Variants in ZMYND11 observed in about 807,000 individuals in gnomAD.
ZMYND11 encodes zinc finger MYND domain-containing protein 11.
In ZMYND11, 9 loss-of-function variants were observed where a neutral mutation model predicts 84.9. The ratio of observed to expected loss-of-function variants is 0.11; its 90% CI spans 0.06 to 0.18. The LOEUF (loss-of-function observed/expected upper bound fraction) is 0.18, where lower values mean the gene tolerates loss of function less well. Among genes scored for constraint, ZMYND11 ranks in the 10% least tolerant of loss-of-function variants. The pLI, the probability that ZMYND11 is intolerant of heterozygous loss-of-function variation, is 1.00. For synonymous variants in ZMYND11, 250 were observed against 244.1 expected (o/e 1.02, Z -0.23); for missense variants, 409 against 761.0 (o/e 0.54, Z 5.44).
intron 4 of ZMYND11, 119 bp downstream of exon 4, chr10:221,475 G>T (rs1947124822): frequency 4.3e-6 from 4 of 932,648 alleles, no homozygotes; most frequent in Non-Finnish European, 6.4e-6. Context: ...GAGGGTGGGG[G>T]TTATCTAATG....
chr10:169,849 G>C (rs1272206910), intron 1 of ZMYND11, among the ~76,000 whole-genome samples: 1 of 152,072 alleles, frequency 6.6e-6, no homozygotes, highest in Admixed American at 6.6e-5. Flanking sequence ...ATACCAGAAG[G>C]GAAGAAGGAG....
intron 3 of ZMYND11, among the ~76,000 whole-genome samples, chr10:218,869 T>A (rs972377094): frequency 6.6e-6 from 1 of 152,222 alleles, no homozygotes; most frequent in Non-Finnish European, 1.5e-5. Flanking sequence ...ACCTGTCCTA[T>A]AATCAACATG....
chr10:252,309 C>T lies in ZMYND11; in HGVS notation c.1687-39C>T. On this transcript the variant is annotated intron_variant, in intron 14 of 14. Transcript: ENST00000381604. This position sits in a 1 kb window ranked among gnomAD's most constrained non-coding sequence, Gnocchi z 4.6. ...TTTTAACCAGTCGCTTACACATCCA[C>T]ACCCAAGTCTAAAGACTGCCCCGAT... 6.2e-7 allele frequency: 1 copy of T among 1,611,154 alleles called. No homozygotes were observed. The highest frequency in any genetic ancestry group is 8.5e-7 in the Non-Finnish European group (1 of 1,178,758).
At chr10:205,481 A>G (rs138608721) in intron 2 of ZMYND11, among the ~76,000 whole-genome samples, 1,539 of 151,858 alleles carry the variant, frequency 0.01, 22 homozygotes, top group African/African-American at 0.035. Context: ...CTTGAGGCTG[A>G]GAGTTTGAGA....
At chr10:245,463 A>C (rs1951928682) in intron 10 of ZMYND11, among the ~76,000 whole-genome samples, 1 of 152,212 alleles carries the variant, frequency 6.6e-6, no homozygotes, top group African/African-American at 2.4e-5. Flanking sequence ...CCAGGGATGA[A>C]AACTGTGATA....
intron 1 of ZMYND11, among the ~76,000 whole-genome samples, chr10:139,227 T>C (rs1170645748): frequency 6.6e-6 from 1 of 152,236 alleles, no homozygotes; most frequent in Non-Finnish European, 1.5e-5. Context: ...GTTAATATTT[T>C]TCTGTTTTTC....
intron 3 of ZMYND11, among the ~76,000 whole-genome samples, chr10:217,634 C>T (rs1280554869): frequency 6.6e-6 from 1 of 152,054 alleles, no homozygotes; most frequent in African/African-American, 2.4e-5. Flanking sequence ...GTGACTTGGT[C>T]AGTTCCTGTT....
intron 2 of ZMYND11, among the ~76,000 whole-genome samples, chr10:188,750 C>G (rs1469036566): frequency 6.6e-6 from 1 of 152,076 alleles, no homozygotes; most frequent in Non-Finnish European, 1.5e-5. Context: ...CTGATTTGGA[C>G]TATTATGACT....
chr10:240,607 A>G (rs1201811457), intron 8 of ZMYND11, among the ~76,000 whole-genome samples: 2 of 152,228 alleles, frequency 1.3e-5, no homozygotes, highest in East Asian at 3.8e-4. Context: ...CCTGAGGAAT[A>G]TTCAGTCTGA....
intron 1 of ZMYND11, among the ~76,000 whole-genome samples, chr10:160,589 C>A (rs782761380): frequency 3.9e-5 from 6 of 152,154 alleles, no homozygotes; most frequent in Non-Finnish European, 8.8e-5. Context: ...AACCTCTTTT[C>A]AAAATTGGAG....
chr10:131,808 G>A (rs994605334), upstream of ZMYND11, among the ~76,000 whole-genome samples: 5 of 152,032 alleles, frequency 3.3e-5, no homozygotes, highest in African/African-American at 1.2e-4. Flanking sequence ...GGTTATAGAT[G>A]TGAGCCACTA....
At chr10:217,026 C>T (rs772550380) in intron 3 of ZMYND11, among the ~76,000 whole-genome samples, 3 of 152,156 alleles carry the variant, frequency 2.0e-5, no homozygotes, top group Non-Finnish European at 4.4e-5. Context: ...CTCAAACACA[C>T]ATACTTGGTT....
chr10:169,010 T>G (rs1844667445), intron 1 of ZMYND11, among the ~76,000 whole-genome samples: 1 of 152,130 alleles, frequency 6.6e-6, no homozygotes, highest in Non-Finnish European at 1.5e-5. Flanking sequence ...TCCTTGTGCT[T>G]CTTGGAGCGG....
At chr10:214,768 A>G (rs931487939) in intron 3 of ZMYND11, among the ~76,000 whole-genome samples, 1 of 152,200 alleles carries the variant, frequency 6.6e-6, no homozygotes, top group Non-Finnish European at 1.5e-5. Context: ...GGATGGCTGC[A>G]CTAAACCCTT....
In ZMYND11 at chr10:149,484, G is replaced by A. The variant is rs554329072; in HGVS notation, c.-20+13925G>A. Among the ~76,000 whole-genome samples the A allele has an allele frequency of 7.9e-5, 12 of 151,900 alleles. No homozygotes were observed. The South Asian group carries it at 2.5e-3, about 32-fold the overall frequency. On this transcript the variant is annotated intron_variant, in intron 1 of 14. Transcript: ENST00000381604. ...TACCACCATGCCTGGCTAATTTTTT[G>A]TATTTTTAGTAGAGACGGGGTTTCA...
chr10:180,415 T>G (rs1035945679), intron 2 of ZMYND11, among the ~76,000 whole-genome samples: 1 of 152,248 alleles, frequency 6.6e-6, no homozygotes, highest in African/African-American at 2.4e-5. Context: ...ATTTATTTAT[T>G]TTGAGACGGA....
intron 4 of ZMYND11, among the ~76,000 whole-genome samples, chr10:223,943 ACT>A (rs1276630679): frequency 1.3e-5 from 2 of 151,722 alleles, no homozygotes; most frequent in Admixed American, 6.6e-5. Context: ...ATAACTTTCT[ACT>A]CTGTTTTTTT....
chr10:242,221 T>G (rs995314975), intron 10 of ZMYND11, 82 bp downstream of exon 10: 1 of 1,523,930 alleles, frequency 6.6e-7, no homozygotes. Flanking sequence ...CCATCAGAGA[T>G]GCATGAAGTT....
At chr10:140,104 CACACACACACACAT>C (rs1175588452) in intron 1 of ZMYND11, among the ~76,000 whole-genome samples, 1 of 152,154 alleles carries the variant, frequency 6.6e-6, no homozygotes, top group Non-Finnish European at 1.5e-5. Flanking sequence ...ATCCCAGACA[CACACACACACACAT>C]ACACACGCAG....
Sources: gnomAD v4.1 joint callset for allele counts (sites outside exome capture counted in the v4.1 genomes callset) on GRCh38, gnomAD v4.1.1 for gene constraint, Gnocchi (gnomAD v3.1) non-coding constraint, MANE v1.5 for transcripts, NCBI Gene and HGNC (gene_info 2026-07-23, HGNC 2026-07-21) for gene names.